SRP54: variants seen among roughly 807,000 people sequenced by gnomAD.
SRP54 encodes signal recognition particle subunit SRP54.
SRP54 carries 10 observed loss-of-function variants against 64.8 expected under a neutral mutation model. That is an observed-to-expected ratio of 0.15 (90% CI 0.10 to 0.26). SRP54 has a LOEUF of 0.26. SRP54 is among the 10% of genes least tolerant of loss of function. The probability of loss-of-function intolerance (pLI) is 1.00; values close to 1 mark genes in which losing one functional copy is unlikely to be tolerated. For missense variants in SRP54, 325 were observed against 613.7 expected (o/e 0.53, Z 4.97); for synonymous variants, 193 against 185.6 (o/e 1.04, Z -0.32).
chr14:35,017,825 A>G (rs770669103), intron 11 of SRP54, among the ~76,000 whole-genome samples: 15 of 152,274 alleles, frequency 9.9e-5, no homozygotes, highest in Non-Finnish European at 2.1e-4. Flanking sequence ...AATACTTCAT[A>G]TTATAGAAGT....
chr14:35,002,729 C>T (rs1357923133), intron 4 of SRP54, among the ~76,000 whole-genome samples: 1 of 146,812 alleles, frequency 6.8e-6, no homozygotes, highest in Non-Finnish European at 1.5e-5. Context: ...GTCACTGTGC[C>T]TGGCCTCCTT....
At chr14:34,988,546 G>T (rs1194438619) in intron 1 of SRP54, among the ~76,000 whole-genome samples, 1 of 35,450 alleles carries the variant, frequency 2.8e-5, no homozygotes. Context: ...TGGCGACAGA[G>T]TGAGACTCCA....
chr14:35,004,715 T>C (rs887231698), intron 4 of SRP54: 1 of 152,298 alleles, frequency 6.6e-6, no homozygotes, highest in East Asian at 1.9e-4. Flanking sequence ...GCTGGGAGTT[T>C]TTGCCATGAC....
At chr14:35,017,012 G>T (rs894486049) in intron 11 of SRP54, among the ~76,000 whole-genome samples, 1 of 151,896 alleles carries the variant, frequency 6.6e-6, no homozygotes, top group Non-Finnish European at 1.5e-5. Context: ...GCACTGCCAC[G>T]CCCGGCTAAT....
chr14:34,998,853 T>C (rs1304592529), intron 2 of SRP54, among the ~76,000 whole-genome samples: 2 of 151,526 alleles, frequency 1.3e-5, no homozygotes, highest in African/African-American at 4.8e-5. Context: ...ATATTGTAAC[T>C]ATATACCACT....
intron 12 of SRP54, 98 bp downstream of exon 12, chr14:35,018,863 A>T (rs937285472): frequency 6.3e-6 from 9 of 1,421,310 alleles, no homozygotes; most frequent in Admixed American, 1.9e-5. Context: ...GGGTAAAAAT[A>T]TATCTAAGAC....
intron 1 of SRP54, among the ~76,000 whole-genome samples, chr14:34,994,455 A>G (rs2044034050): frequency 6.6e-6 from 1 of 152,142 alleles, no homozygotes; most frequent in African/African-American, 2.4e-5. Context: ...ATATTGGAAA[A>G]TTGATATTCC....
chr14:35,002,443 CTTT>C (rs754182261), intron 4 of SRP54, among the ~76,000 whole-genome samples: 1 of 144,714 alleles, frequency 6.9e-6, no homozygotes. Flanking sequence ...TGAATATTTT[CTTT>C]TTTTTTTTTT....
chr14:35,016,747 A>G (rs925328797), intron 11 of SRP54, among the ~76,000 whole-genome samples: 7 of 151,830 alleles, frequency 4.6e-5, no homozygotes, highest in African/African-American at 1.5e-4. Flanking sequence ...TGTTCACAGT[A>G]CCTAGCACAG....
chr14:35,028,302 G>C, intron 15 of SRP54, 119 bp downstream of exon 15: 1 of 603,042 alleles, frequency 1.7e-6, no homozygotes, highest in Non-Finnish European at 2.8e-6. Flanking sequence ...TGATTTCAGG[G>C]AAATGGTCAT....
intron 1 of SRP54, among the ~76,000 whole-genome samples, chr14:34,988,859 A>G (rs2138960936): frequency 6.6e-6 from 1 of 151,970 alleles, no homozygotes; most frequent in African/African-American, 2.4e-5. Context: ...CCCTGATGTA[A>G]AATGGTGTAG....
intron 4 of SRP54, among the ~76,000 whole-genome samples, 172 bp from the exon 5 acceptor site, chr14:35,007,111 T>G (rs1341083088): frequency 6.6e-6 from 1 of 152,126 alleles, no homozygotes; most frequent in Non-Finnish European, 1.5e-5. Flanking sequence ...GAGCATCATT[T>G]GAGCCCAGGA....
At chr14:35,022,008 G>T (rs190810403) in intron 13 of SRP54, among the ~76,000 whole-genome samples, 1 of 152,102 alleles carries the variant, frequency 6.6e-6, no homozygotes. Flanking sequence ...GCTACTGAGA[G>T]AATTAAAATA....
In SRP54 at chr14:34,996,803, T is replaced by A. The variant is rs1566644479; in HGVS notation, c.78+16T>A. The A allele has an allele frequency of 6.5e-7, 1 of 1,528,840 alleles. No individual in the cohort carries two copies. The highest frequency in any genetic ancestry group is 1.7e-5 in the Admixed American group (1 of 59,876). The allele number at this position is 1,528,840 out of a possible 1,614,324, so 94.7% of individuals were successfully genotyped here. A position where few individuals can be genotyped will look rare whatever the true frequency, so the allele number is the denominator to read the frequency against. On this transcript the variant is annotated intron_variant, in intron 2 of 15. Transcript: ENST00000216774. ...CAATGAAGAGGTATGTAAAATATTG[T>A]ATGAAATATATATGATTGTATATTG...
intron 11 of SRP54, among the ~76,000 whole-genome samples, chr14:35,017,578 C>G (rs2044464070): frequency 6.6e-6 from 1 of 152,214 alleles, no homozygotes; most frequent in Admixed American, 6.5e-5. Context: ...ACTTCACATT[C>G]AGAATGCCTG....
intron 1 of SRP54, among the ~76,000 whole-genome samples, chr14:34,989,363 T>G (rs1050744499): frequency 6.6e-6 from 1 of 151,904 alleles, no homozygotes; most frequent in Non-Finnish European, 1.5e-5. Context: ...AAAAATTACC[T>G]GGGCGTGGTG....
At chr14:35,010,709 G>T (rs1224018907) in intron 7 of SRP54, among the ~76,000 whole-genome samples, 1 of 151,822 alleles carries the variant, frequency 6.6e-6, no homozygotes, top group Non-Finnish European at 1.5e-5. Flanking sequence ...AAGTGGCAGT[G>T]AGCCGAGATC....
chr14:35,015,347 A>G (rs972801329), intron 11 of SRP54, among the ~76,000 whole-genome samples: 3 of 152,178 alleles, frequency 2.0e-5, no homozygotes, highest in African/African-American at 7.2e-5. Context: ...AAGTGCTGAG[A>G]TTACAGGTGT....
intron 1 of SRP54, among the ~76,000 whole-genome samples, chr14:34,995,135 GTGTGTGTGTGTGTGTGTGTGT>G (rs2044048909): frequency 4.8e-4 from 27 of 56,686 alleles, no homozygotes; most frequent in Middle Eastern, 7.8e-3. Flanking sequence ...TCAATAAAGG[GTGTGTGTGTGTGTGTGTGTGT>G]GTGTGTGTGT....
Sources: allele counts gnomAD v4.1 joint callset (sites outside exome capture counted in the v4.1 genomes callset), GRCh38; gene constraint gnomAD v4.1.1; transcripts MANE v1.5; gene names NCBI Gene and HGNC (gene_info 2026-07-23, HGNC 2026-07-21).